MCM9: variants seen among roughly 807,000 people sequenced by gnomAD.
MCM9 encodes the protein minichromosome maintenance 9 homologous recombination repair factor.
A neutral mutation model predicts 72.8 loss-of-function variants in MCM9; 55 were observed. The observed-to-expected ratio is 0.76, with a 90% CI of 0.61 to 0.95. The LOEUF (loss-of-function observed/expected upper bound fraction) is 0.95, where lower values mean the gene tolerates loss of function less well. Among genes scored for constraint, MCM9 ranks in the 40% least tolerant of loss-of-function variants. MCM9 has a pLI of 0.00. For synonymous variants in MCM9, 480 were observed against 503.4 expected (o/e 0.95, Z 0.62); for missense variants, 1,279 against 1,377.0 (o/e 0.93, Z 1.13).
At chr6:118,885,152 C>T (rs1030301635) in intron 8 of MCM9, among the ~76,000 whole-genome samples, 4 of 151,974 alleles carry the variant, frequency 2.6e-5, no homozygotes, top group African/African-American at 4.8e-5. Flanking sequence ...GCTGAGATTG[C>T]GCCGCTGCAC....
At chr6:118,897,993 GCT>G (rs1366662817) in intron 8 of MCM9, among the ~76,000 whole-genome samples, 3 of 152,164 alleles carry the variant, frequency 2.0e-5, no homozygotes, top group African/African-American at 7.2e-5. Context: ...CATCTCCTCT[GCT>G]CTCACTTCCC....
At chr6:118,928,539 A>G (rs186192396) in intron 3 of MCM9, among the ~76,000 whole-genome samples, 1 of 152,222 alleles carries the variant, frequency 6.6e-6, no homozygotes, top group Non-Finnish European at 1.5e-5. Context: ...TAACAACAGA[A>G]CCTATCACAC....
At chr6:118,892,690 T>C (rs1779027268) in intron 8 of MCM9, among the ~76,000 whole-genome samples, 1 of 152,238 alleles carries the variant, frequency 6.6e-6, no homozygotes, top group African/African-American at 2.4e-5. Context: ...TCTGTGTCTA[T>C]CACCATGGTT....
chr6:118,850,992 G>GT lies in MCM9; in HGVS notation c.1325+5378dup, dbSNP rs958188388. On this transcript the variant is annotated intron_variant, in intron 9 of 13. Coordinates refer to ENST00000619706, the MANE Select transcript of MCM9 (RefSeq NM_017696.3). ...CACCACTGTACTTGGCTGTTTTTTT[G>GT]TTTTTTGTATCGAGATGGGGGTCTT... Among the ~76,000 whole-genome samples the GT allele has an allele frequency of 7.9e-5, 12 of 151,376 alleles. 1 individual carries two copies. Among genetic ancestry groups the GT allele is most frequent in the African/African-American group, 2.7e-4 (11 of 40,892 alleles).
Position 118,856,061 on chromosome 6 carries a change from A to G in MCM9, c.1325+310T>C, listed in dbSNP as rs373458390. On this transcript the variant is annotated intron_variant, in intron 9 of 13. Coordinates refer to ENST00000619706, the MANE Select transcript of MCM9 (RefSeq NM_017696.3). Reference sequence around the variant, plus strand: ...AGAAATATGCCCAGAGTACACATACAATGTTTACTGAATGAAAAAGAGAAT... The same window carrying G: ...AGAAATATGCCCAGAGTACACATACGATGTTTACTGAATGAAAAAGAGAAT... Among the ~76,000 whole-genome samples, 50 of 152,304 alleles carry G rather than the reference A, an allele frequency of 3.3e-4. No individual in the cohort carries two copies. In the East Asian group the frequency reaches 6.6e-3, roughly 20 times the overall value.
In MCM9 at chr6:118,924,024, CA is replaced by C; in HGVS notation, c.407del (p.Val136GlyfsTer20). On this transcript the variant is annotated frameshift_variant, in exon 4 of 14. Coordinates refer to ENST00000619706, the MANE Select transcript of MCM9 (RefSeq NM_017696.3). LOFTEE classifies it high-confidence loss of function. ...VTGTVIRTSL[V>X]KVLEFERDYM... ...AATCCCGCTCAAACTCCAGAACCTT[CA>C]CCAGACTTGTTCGAATCACTGTCCC... The C allele has an allele frequency of 6.2e-7, 1 of 1,614,216 alleles. No individual in the cohort carries two copies. The highest frequency in any genetic ancestry group is 8.5e-7 in the Non-Finnish European group (1 of 1,180,042).
At chr6:118,832,068 A>AT (rs1317963704) in intron 9 of MCM9, among the ~76,000 whole-genome samples, 1 of 151,910 alleles carries the variant, frequency 6.6e-6, no homozygotes, top group Non-Finnish European at 1.5e-5. Flanking sequence ...TGCCTTACTT[A>AT]TTTTTTTTAA....
chr6:118,876,368 A>G (rs1329645715), intron 8 of MCM9, among the ~76,000 whole-genome samples: 1 of 152,200 alleles, frequency 6.6e-6, no homozygotes, highest in East Asian at 1.9e-4. Flanking sequence ...GTGAATCCTA[A>G]TGTAAATAAT....
rs868022498 is a variant in MCM9 at position 118,815,296 on chromosome 6, T to C, written c.2960A>G (p.Gln987Arg). 2 of 1,550,704 alleles carry C rather than the reference T, an allele frequency of 1.3e-6. No individual in the cohort carries two copies. The change falls in exon 14 of 14, where the codon CAG (glutamine) becomes CGG (arginine). Residue 987 changes from glutamine to arginine, a missense_variant. Gln to Arg is a conservative substitution (Grantham distance 43, BLOSUM62 1). Coordinates refer to ENST00000619706, the MANE Select transcript of MCM9 (RefSeq NM_017696.3). The stretch of plus-strand genomic sequence containing the variant: ...CTGCGACACCTCCTTTGTCTCACCC[T>C]GTGGCTGACTGGAGATCTGGTTTCC... ...TPGNQISSQP[Q>R]GETKEVSQQP...
At chr6:118,819,509 G>A (rs1773646868) in intron 13 of MCM9, among the ~76,000 whole-genome samples, 1 of 152,168 alleles carries the variant, frequency 6.6e-6, no homozygotes, top group Non-Finnish European at 1.5e-5. Flanking sequence ...ATGTGCTGCT[G>A]TATTCAGTTT....
chr6:118,894,801 G>T (rs930905206), intron 8 of MCM9, among the ~76,000 whole-genome samples: 5 of 152,332 alleles, frequency 3.3e-5, no homozygotes, highest in African/African-American at 1.2e-4. Flanking sequence ...GGGCAGCTCG[G>T]AGACCCGCAC....
At chr6:118,895,167 G>T (rs1362057268) in intron 8 of MCM9, among the ~76,000 whole-genome samples, 4 of 151,924 alleles carry the variant, frequency 2.6e-5, no homozygotes, top group Non-Finnish European at 5.9e-5. Context: ...CCAACCAGCG[G>T]GGGAGGCGGG....
rs1777317705 is a variant in MCM9 at position 118,867,866 on chromosome 6, CT to C, written c.1151-11322del. Among the ~76,000 whole-genome samples, 3 of 113,574 alleles carry C rather than the reference CT, an allele frequency of 2.6e-5. No individual in the cohort carries two copies. The East Asian group carries it at 7.4e-4, about 28-fold the overall frequency. The allele number at this position is 113,574 out of a possible 152,430, so 74.5% of individuals were successfully genotyped here. A position where few individuals can be genotyped will look rare whatever the true frequency, so the allele number is the denominator to read the frequency against. On this transcript the variant is annotated intron_variant, in intron 8 of 13. Transcript: ENST00000619706. The stretch of plus-strand genomic sequence containing the variant: ...GGGGTTGGGTAAATTAATTATATTT[CT>C]TTTTTCTTTTTCTTTTTCTTTTTTT...
intron 8 of MCM9, among the ~76,000 whole-genome samples, chr6:118,873,358 AG>A (rs1372054528): frequency 6.6e-6 from 1 of 152,220 alleles, no homozygotes; most frequent in Non-Finnish European, 1.5e-5. Context: ...GCTGGTTTTT[AG>A]AAAAGATCAA....
rs200201062 is a variant in MCM9, at chr6:118,923,922, G to T, written c.510C>A (p.Ser170=). 6.2e-7 allele frequency: 1 copy of T among 1,614,216 alleles called. No individual in the cohort carries two copies. The highest frequency in any genetic ancestry group is 2.2e-5 in the East Asian group (1 of 44,890). ...FEQYYTFCRP[S]SCPSLESCDS... ...CACAGCTCTCCAAGCTGGGACACGAGGATGGCCGGCAAAAGGTGTAATACT... is the reference window on the plus strand; with the variant it reads ...CACAGCTCTCCAAGCTGGGACACGATGATGGCCGGCAAAAGGTGTAATACT... The change falls in exon 4 of 14, where the codon TCC becomes TCA. Residue 170 remains serine (S), a synonymous_variant. Coordinates refer to ENST00000619706, the MANE Select transcript of MCM9 (RefSeq NM_017696.3).
At chr6:118,843,889 A>T (rs1157928183) in intron 9 of MCM9, among the ~76,000 whole-genome samples, 1 of 148,838 alleles carries the variant, frequency 6.7e-6, no homozygotes, top group East Asian at 1.9e-4. Context: ...AAGAGAAAGA[A>T]AGCAAAAGCA....
intron 9 of MCM9, among the ~76,000 whole-genome samples, chr6:118,854,965 T>A (rs1220912571): frequency 1.3e-5 from 2 of 152,222 alleles, no homozygotes; most frequent in Non-Finnish European, 2.9e-5. Context: ...TTGTATTTTA[T>A]AACAATATTT....
intron 9 of MCM9, among the ~76,000 whole-genome samples, chr6:118,853,804 C>A (rs1019362243): frequency 3.9e-5 from 6 of 152,104 alleles, no homozygotes; most frequent in Non-Finnish European, 5.9e-5. Context: ...GTCTCAAAAA[C>A]AAATTTTTTT....
chr6:118,926,295 C>T (rs1781888692), intron 3 of MCM9, among the ~76,000 whole-genome samples: 1 of 152,180 alleles, frequency 6.6e-6, no homozygotes, highest in South Asian at 2.1e-4. Context: ...GCCTACCTAG[C>T]CTACCTTGAA....
Sources: gnomAD v4.1 joint callset for allele counts (sites outside exome capture counted in the v4.1 genomes callset) on GRCh38, gnomAD v4.1.1 for gene constraint, MANE v1.5 for transcripts, NCBI Gene and HGNC (gene_info 2026-07-23, HGNC 2026-07-21) for gene names.